Variants in ESRRG observed in about 807,000 individuals in gnomAD.
ESRRG encodes estrogen-related receptor gamma.
A neutral mutation model predicts 44.0 loss-of-function variants in ESRRG; 13 were observed. The ratio of observed to expected loss-of-function variants is 0.30; its 90% CI spans 0.19 to 0.47. ESRRG has a LOEUF of 0.47. ESRRG is among the 20% of genes least tolerant of loss of function. The pLI is 1.00. For missense variants in ESRRG, 395 were observed against 580.6 expected (o/e 0.68, Z 3.29); for synonymous variants, 215 against 214.6 (o/e 1.00, Z -0.02).
At chr1:216,733,885 A>G (rs772604331) in intron 2 of ESRRG, among the ~76,000 whole-genome samples, 5 of 148,856 alleles carry the variant, frequency 3.4e-5, no homozygotes, top group Non-Finnish European at 7.4e-5. Flanking sequence ...AGCTATTGGG[A>G]GGTTGAGGCA....
At chr1:217,038,873 TA>T (rs2083366359) in intron 1 of ESRRG, among the ~76,000 whole-genome samples, 1 of 152,258 alleles carries the variant, frequency 6.6e-6, no homozygotes, top group South Asian at 2.1e-4. Context: ...TCTGAACTTT[TA>T]TCCTCCATTT....
intron 2 of ESRRG, among the ~76,000 whole-genome samples, chr1:216,895,399 A>G (rs1314298147): frequency 2.0e-5 from 3 of 152,166 alleles, no homozygotes; most frequent in Non-Finnish European, 4.4e-5. Flanking sequence ...ATATATGGGG[A>G]TCCAAAACTA....
intron 5 of ESRRG, among the ~76,000 whole-genome samples, chr1:216,527,153 A>G (rs1055985328): frequency 1.2e-4 from 19 of 152,150 alleles, no homozygotes; most frequent in African/African-American, 4.6e-4. Context: ...AAAGAAAAGT[A>G]TTGCAAGGAT....
intron 1 of ESRRG, among the ~76,000 whole-genome samples, chr1:216,969,255 A>G (rs538176368): frequency 7.2e-4 from 109 of 152,328 alleles, no homozygotes; most frequent in African/African-American, 2.6e-3. Flanking sequence ...AAATGTAAAC[A>G]TAGAAAATCT....
chr1:216,579,304 G>T (rs1231828846), intron 3 of ESRRG, among the ~76,000 whole-genome samples: 1 of 152,086 alleles, frequency 6.6e-6, no homozygotes, highest in African/African-American at 2.4e-5. Context: ...ATCCACTCCA[G>T]ATTCACATTA....
chr1:216,798,506 C>T (rs544680851), intron 2 of ESRRG, among the ~76,000 whole-genome samples: 1 of 152,294 alleles, frequency 6.6e-6, no homozygotes, highest in African/African-American at 2.4e-5. Flanking sequence ...CCAGGAAGGG[C>T]TGCCTCCTGA....
chr1:216,661,241 A>G (rs1295255023), intron 2 of ESRRG, among the ~76,000 whole-genome samples: 2 of 152,154 alleles, frequency 1.3e-5, no homozygotes, highest in Non-Finnish European at 2.9e-5. Flanking sequence ...ATCATGTCAC[A>G]GAAGTCTTTA....
chr1:216,788,418 AG>A (rs1166578410), intron 2 of ESRRG, among the ~76,000 whole-genome samples: 6 of 152,144 alleles, frequency 3.9e-5, no homozygotes, highest in Non-Finnish European at 7.4e-5. Flanking sequence ...GCAACAACAA[AG>A]CCTGGATGAT....
intron 2 of ESRRG, among the ~76,000 whole-genome samples, chr1:216,930,801 G>A (rs920367394): frequency 6.6e-6 from 1 of 152,118 alleles, no homozygotes; most frequent in Non-Finnish European, 1.5e-5. Flanking sequence ...AAGATAAATG[G>A]GACTCCAGTT....
intron 1 of ESRRG, among the ~76,000 whole-genome samples, chr1:216,998,664 T>C (rs1462507665): frequency 6.6e-6 from 1 of 152,246 alleles, no homozygotes; most frequent in Non-Finnish European, 1.5e-5. Context: ...TGTGCATATA[T>C]GAGGATAACC....
In ESRRG at chr1:217,088,141, G is replaced by A. The variant is rs149693388; in HGVS notation, c.-106+1366C>T. On this transcript the variant is annotated intron_variant, in intron 1 of 7. Transcript: ENST00000359162. Reference sequence around the variant, plus strand: ...AGACATTTCCGACTCTTTTTCTCTCGCCTGCTGCTTCTGAATTTGGGCATT... The same window carrying A: ...AGACATTTCCGACTCTTTTTCTCTCACCTGCTGCTTCTGAATTTGGGCATT... Among the ~76,000 whole-genome samples, 298 of 150,952 alleles carry A rather than the reference G, an allele frequency of 2.0e-3. 2 individuals are homozygous for A. Among genetic ancestry groups the A allele is most frequent in the African/African-American group, 6.6e-3 (270 of 41,066 alleles).
chr1:216,723,327 C>A lies in ESRRG; in HGVS notation c.-28G>T, dbSNP rs1453237682. On this transcript the variant is annotated 5_prime_UTR_variant, in exon 1 of 7. Coordinates refer to ENST00000408911, the MANE Select transcript of ESRRG (RefSeq NM_001438.4). ...GCGACCGGCAACCATTATTTGTGCA[C>A]CCCAGCTATAAATCAAAGTTTCCTT... The A allele has an allele frequency of 1.6e-5, 26 of 1,611,338 alleles. No homozygotes were observed. The highest frequency in any genetic ancestry group is 2.2e-5 in the Non-Finnish European group (26 of 1,177,646).
At position 216,544,337 on chromosome 1, in the gene ESRRG, A is replaced by C. The variant is rs561945105; in HGVS notation, c.862+19882T>G. 5.3e-5 allele frequency among the ~76,000 whole-genome samples: 8 copies of C among 152,198 alleles called. No individual in the cohort carries two copies. In the South Asian group the frequency reaches 1.7e-3, roughly 32 times the overall value. ...GATTAAATTCCTTAAAAATAATTAC[A>C]TATTTCTCATTCTTCCTAAACAAAG... On this transcript the variant is annotated intron_variant, in intron 5 of 6. Transcript: ENST00000408911.
At chr1:216,659,083 A>G (rs2071558497) in intron 2 of ESRRG, among the ~76,000 whole-genome samples, 1 of 152,174 alleles carries the variant, frequency 6.6e-6, no homozygotes, top group Non-Finnish European at 1.5e-5. Flanking sequence ...TGTAAGAATT[A>G]TGTGAAATGA....
intron 1 of ESRRG, among the ~76,000 whole-genome samples, chr1:216,986,107 T>C (rs552956835): frequency 1.3e-5 from 2 of 152,156 alleles, no homozygotes; most frequent in East Asian, 1.9e-4. Context: ...TTAACCACAG[T>C]TGATCTCTGG....
chr1:216,775,377 T>C (rs2093563585), intron 2 of ESRRG, among the ~76,000 whole-genome samples: 2 of 151,898 alleles, frequency 1.3e-5, no homozygotes, highest in African/African-American at 4.8e-5. Flanking sequence ...ATATAACAAG[T>C]GGCCTAATGT....
chr1:217,111,512 T>C (rs1415553998), intron 1 of ESRRG, among the ~76,000 whole-genome samples: 1 of 152,212 alleles, frequency 6.6e-6, no homozygotes, highest in African/African-American at 2.4e-5. Flanking sequence ...CATTCAAAAC[T>C]ATGGGAACAA....
chr1:216,591,858 G>T (rs916367785), intron 3 of ESRRG, among the ~76,000 whole-genome samples: 1 of 152,092 alleles, frequency 6.6e-6, no homozygotes, highest in Non-Finnish European at 1.5e-5. Flanking sequence ...ATAAATAAAT[G>T]AATAAGCTGA....
chr1:216,597,790 G>A (rs957766667), intron 3 of ESRRG, among the ~76,000 whole-genome samples: 2 of 147,174 alleles, frequency 1.4e-5, no homozygotes, highest in Non-Finnish European at 3.1e-5. Context: ...GGAGATTTCA[G>A]CTTATAATAC....
Sources: gnomAD v4.1 joint callset for allele counts (sites outside exome capture counted in the v4.1 genomes callset) on GRCh38, gnomAD v4.1.1 for gene constraint, MANE v1.5 for transcripts, NCBI Gene and HGNC (gene_info 2026-07-23, HGNC 2026-07-21) for gene names.